Variants in MALRD1 observed in about 807,000 individuals in gnomAD.
MALRD1 encodes MAM and LDL-receptor class A domain-containing protein 1.
Under a neutral mutation model 242.1 loss-of-function variants are expected in MALRD1, and 247 were observed. The observed-to-expected ratio is 1.02, with a 90% CI of 0.92 to 1.13. The LOEUF is 1.13. Ranked by LOEUF, MALRD1 falls within the 50% of genes most tolerant of loss-of-function variation. The pLI, the probability that MALRD1 is intolerant of heterozygous loss-of-function variation, is 0.00. For missense variants in MALRD1, 2,989 were observed against 2,533.1 expected (o/e 1.18, Z -3.86); for synonymous variants, 995 against 866.6 (o/e 1.15, Z -2.60).
intron 18 of MALRD1, among the ~76,000 whole-genome samples, chr10:19,240,432 A>G (rs766700772): frequency 6.6e-6 from 1 of 152,016 alleles, no homozygotes; most frequent in Non-Finnish European, 1.5e-5. Flanking sequence ...AAAGAACCTT[A>G]AAGAGAGAGA....
chr10:19,352,287 T>A lies in MALRD1; in HGVS notation c.4431T>A (p.Pro1477=). Residue 1477 remains proline, a synonymous_variant, in exon 26 of 40, where the codon CCT becomes CCA. Coordinates refer to ENST00000454679, the MANE Select transcript of MALRD1 (RefSeq NM_001142308.3). The part of the protein sequence containing the change: ...HDSVQEELAV[P]LPTGFCPLGY... ...CCGTGCAAGAAGAACTGGCAGTGCCTCTTCCAACAGGTACATTCTAATCTG... is the reference window on the plus strand; with the variant it reads ...CCGTGCAAGAAGAACTGGCAGTGCCACTTCCAACAGGTACATTCTAATCTG... 6.5e-7 allele frequency: 1 copy of A among 1,535,196 alleles called. No homozygotes were observed. Among genetic ancestry groups the A allele is most frequent in the Non-Finnish European group, 8.7e-7 (1 of 1,142,980 alleles).
chr10:19,284,395 TC>T (rs1412311619), intron 21 of MALRD1, among the ~76,000 whole-genome samples: 3 of 97,382 alleles, frequency 3.1e-5, no homozygotes, highest in South Asian at 4.0e-4. Context: ...ATGCTATCCC[TC>T]CCCCCTCCCC....
intron 21 of MALRD1, among the ~76,000 whole-genome samples, chr10:19,302,640 G>A (rs549111013): frequency 1.4e-4 from 21 of 151,820 alleles, no homozygotes; most frequent in Non-Finnish European, 2.9e-4. Context: ...TGGATAAGGG[G>A]TTACTTTTTG....
intron 31 of MALRD1, among the ~76,000 whole-genome samples, chr10:19,527,135 A>G (rs1010671745): frequency 6.6e-6 from 1 of 152,188 alleles, no homozygotes; most frequent in African/African-American, 2.4e-5. Context: ...AAATGTTGTT[A>G]GGTACCAGGC....
chr10:19,120,132 G>C (rs79207893), intron 5 of MALRD1, among the ~76,000 whole-genome samples: 1,793 of 152,236 alleles, frequency 0.012, 35 homozygotes, highest in African/African-American at 0.04. Flanking sequence ...TAACAAGGTT[G>C]TGGGTGTGTA....
chr10:19,120,743 C>G (rs1837030475), intron 5 of MALRD1, among the ~76,000 whole-genome samples: 2 of 152,138 alleles, frequency 1.3e-5, no homozygotes. Flanking sequence ...GACTTGTACA[C>G]TTTTTTGTTG....
chr10:19,332,496 C>T (rs1402541506), intron 24 of MALRD1, among the ~76,000 whole-genome samples: 2 of 152,082 alleles, frequency 1.3e-5, no homozygotes, highest in Non-Finnish European at 1.5e-5. Context: ...TAAGATTGTG[C>T]AACATAGTCC....
At chr10:19,324,153 A>G in intron 22 of MALRD1, 48 bp downstream of exon 22, 1 of 1,506,908 alleles carries the variant, frequency 6.6e-7, no homozygotes, top group Non-Finnish European at 9.0e-7. Context: ...CTAAAAGTTC[A>G]CAGTGCATAA....
intron 36 of MALRD1, among the ~76,000 whole-genome samples, chr10:19,620,915 C>G (rs1017326435): frequency 6.7e-6 from 1 of 150,354 alleles, no homozygotes; most frequent in African/African-American, 2.5e-5. Flanking sequence ...ATGTGTGCAA[C>G]AAGAACTATT....
intron 38 of MALRD1, among the ~76,000 whole-genome samples, chr10:19,699,219 A>G (rs188264295): frequency 1.3e-5 from 2 of 151,460 alleles, no homozygotes; most frequent in Non-Finnish European, 2.9e-5. Flanking sequence ...AATAATAATA[A>G]TAATAATAAA....
chr10:19,616,055 T>C (rs1010352726), intron 36 of MALRD1, 132 bp downstream of exon 36: 3 of 593,538 alleles, frequency 5.1e-6, no homozygotes, highest in African/African-American at 1.9e-5. Context: ...AATGGTACTA[T>C]TTACATTTAT....
intron 29 of MALRD1, among the ~76,000 whole-genome samples, chr10:19,479,340 G>A (rs542193588): frequency 4.4e-4 from 67 of 152,304 alleles, no homozygotes; most frequent in African/African-American, 1.3e-3. Flanking sequence ...TCTGAGGCAC[G>A]TCAGATAATT....
intron 36 of MALRD1, among the ~76,000 whole-genome samples, chr10:19,673,441 A>G (rs954853858): frequency 6.6e-6 from 1 of 152,150 alleles, no homozygotes; most frequent in African/African-American, 2.4e-5. Flanking sequence ...TTAGAACTGT[A>G]TAGTGAGGGA....
chr10:19,271,488 G>C (rs1266705656), intron 19 of MALRD1, among the ~76,000 whole-genome samples: 1 of 152,172 alleles, frequency 6.6e-6, no homozygotes, highest in African/African-American at 2.4e-5. Flanking sequence ...TGTTAGGCCG[G>C]GTACGGTGGC....
At chr10:19,719,069 G>A (rs1318326634) in intron 38 of MALRD1, among the ~76,000 whole-genome samples, 1 of 150,196 alleles carries the variant, frequency 6.7e-6, no homozygotes, top group Non-Finnish European at 1.5e-5. Flanking sequence ...AGGCTGAGTA[G>A]GGAGGATTGC....
At chr10:19,440,893 G>A (rs1375041030) in intron 28 of MALRD1, among the ~76,000 whole-genome samples, 2 of 152,062 alleles carry the variant, frequency 1.3e-5, no homozygotes, top group Non-Finnish European at 2.9e-5. Context: ...GGTATTTCTA[G>A]TTCTAGATCC....
intron 24 of MALRD1, among the ~76,000 whole-genome samples, chr10:19,332,444 C>G (rs1056502628): frequency 1.3e-5 from 2 of 152,006 alleles, no homozygotes; most frequent in Non-Finnish European, 2.9e-5. Context: ...ATTAAAATAT[C>G]CTTAGCTAAA....
intron 26 of MALRD1, among the ~76,000 whole-genome samples, chr10:19,379,436 G>C (rs1165371382): frequency 6.6e-6 from 1 of 152,042 alleles, no homozygotes; most frequent in Non-Finnish European, 1.5e-5. Flanking sequence ...ACTTATAGCT[G>C]TATGTTACCT....
At chr10:19,200,158 A>T (rs1293777330) in intron 14 of MALRD1, among the ~76,000 whole-genome samples, 1 of 152,060 alleles carries the variant, frequency 6.6e-6, no homozygotes, top group Non-Finnish European at 1.5e-5. Flanking sequence ...CAGGGACAAT[A>T]ATATTTTCTT....
Sources: allele counts gnomAD v4.1 joint callset (sites outside exome capture counted in the v4.1 genomes callset), GRCh38; gene constraint gnomAD v4.1.1; transcripts MANE v1.5; gene names NCBI Gene and HGNC (gene_info 2026-07-23, HGNC 2026-07-21).